ASB3: variants seen among roughly 807,000 people sequenced by gnomAD.
ASB3 encodes ankyrin repeat and SOCS box containing 3.
In ASB3, 41 loss-of-function variants were observed where a neutral mutation model predicts 54.5. The ratio of observed to expected loss-of-function variants is 0.75; its 90% CI spans 0.59 to 0.98. The LOEUF (loss-of-function observed/expected upper bound fraction) is 0.98. Ranked by LOEUF, ASB3 falls within the 50% of genes least tolerant of loss-of-function variation. ASB3 has a pLI of 0.00. For missense variants in ASB3, 733 were observed against 620.0 expected, an observed-to-expected ratio of 1.18 and a Z score of -1.94; for synonymous variants, 266 against 221.2, an observed-to-expected ratio of 1.20 and a Z score of -1.80.
chr2:53,750,765 C>A lies in ASB3; in HGVS notation c.355+18G>T. 6.7e-7 allele frequency: 1 copy of A among 1,493,482 alleles called. No individual in the cohort carries two copies. The highest frequency in any genetic ancestry group is 8.9e-7 in the Non-Finnish European group (1 of 1,120,390). The allele number at this position is 1,493,482 out of a possible 1,614,324, so 92.5% of individuals were successfully genotyped here. A position where few individuals can be genotyped will look rare whatever the true frequency, so the allele number is the denominator to read the frequency against. On this transcript the variant is annotated intron_variant, in intron 3 of 9. Transcript: ENST00000263634. ...TAATGATGAAAAATTGCATCTGCAC[C>A]ACAAATAGCATACTTACCTAAAAAC...
chr2:53,716,652 G>C lies in ASB3; in HGVS notation c.696C>G (p.Leu232=). Residue 232 remains leucine (L), a synonymous_variant, in exon 6 of 10, where the codon CTC becomes CTG. Coordinates refer to ENST00000263634, the MANE Select transcript of ASB3 (RefSeq NM_016115.5). The stretch of plus-strand genomic sequence containing the variant: ...AAAGATCAGGATCTGCCCCACTGGA[G>C]AGCAAAAGCTCCACACATTTTGTGT... The part of the protein sequence containing the change: ...EGHTKCVELL[L]SSGADPDLYC... 6.2e-7 allele frequency: 1 copy of C among 1,614,140 alleles called. No homozygotes were observed. Among genetic ancestry groups the C allele is most frequent in the East Asian group, 2.2e-5 (1 of 44,880 alleles).
In ASB3 at chr2:53,758,755, C is replaced by T. The variant is rs187988841; in HGVS notation, c.196+6622G>A. Among the ~76,000 whole-genome samples, 401 of 152,260 alleles carry T rather than the reference C, an allele frequency of 2.6e-3. 2 individuals are homozygous for T. Among genetic ancestry groups the T allele is most frequent in the African/African-American group, 9.2e-3 (383 of 41,564 alleles). Reference sequence around the variant, plus strand: ...GAATAAGCACTAGGACCACAGAGGACGCTCTAGTCCTCTGGGATAATGCTC... The same window carrying T: ...GAATAAGCACTAGGACCACAGAGGATGCTCTAGTCCTCTGGGATAATGCTC... On this transcript the variant is annotated intron_variant, in intron 2 of 9. Coordinates refer to ENST00000263634, the MANE Select transcript of ASB3 (RefSeq NM_016115.5).
intron 9 of ASB3, among the ~76,000 whole-genome samples, chr2:53,671,039 T>C (rs926914773): frequency 2.0e-5 from 3 of 152,264 alleles, no homozygotes; most frequent in African/African-American, 7.2e-5. Flanking sequence ...ACCTTCCTCT[T>C]AATCTATTTC....
At chr2:53,767,586 T>C (rs1673556184) in intron 1 of ASB3, 2 of 330,378 alleles carry the variant, frequency 6.1e-6, no homozygotes, top group Non-Finnish European at 1.1e-5. Flanking sequence ...GTATTGTAGT[T>C]TTCTGCACAC....
intron 1 of ASB3, among the ~76,000 whole-genome samples, chr2:53,772,714 T>A (rs2104160348): frequency 6.6e-6 from 1 of 152,326 alleles, no homozygotes; most frequent in East Asian, 1.9e-4. Context: ...GTTTTTGTTT[T>A]TAAGTTCAGG....
intron 3 of ASB3, among the ~76,000 whole-genome samples, chr2:53,740,551 G>T (rs982777704): frequency 2.6e-5 from 4 of 152,034 alleles, no homozygotes; most frequent in African/African-American, 9.7e-5. Context: ...TTGATATACA[G>T]AATTTTTTAA....
intron 2 of ASB3, among the ~76,000 whole-genome samples, chr2:53,762,641 T>C (rs1673208754): frequency 6.6e-6 from 1 of 152,218 alleles, no homozygotes; most frequent in Admixed American, 6.5e-5. Flanking sequence ...AAATGACTTA[T>C]TATTGAATGG....
chr2:53,674,369 A>T (rs1667971371), intron 9 of ASB3, among the ~76,000 whole-genome samples: 1 of 152,180 alleles, frequency 6.6e-6, no homozygotes, highest in Admixed American at 6.5e-5. Flanking sequence ...TTAACTTTTA[A>T]TTCCTATACA....
In ASB3 at chr2:53,693,948, T is replaced by G. The variant is rs766745442; in HGVS notation, c.1305A>C (p.Ala435=). 6.2e-7 allele frequency: 1 copy of G among 1,613,640 alleles called. No individual in the cohort carries two copies. The highest frequency in any genetic ancestry group is 8.5e-7 in the Non-Finnish European group (1 of 1,179,628). The change falls in exon 9 of 10, where the codon GCA becomes GCC. Residue 435 remains alanine, a synonymous_variant. Coordinates refer to ENST00000263634, the MANE Select transcript of ASB3 (RefSeq NM_016115.5). The part of the protein sequence containing the change: ...TLEFTNWKTL[A]PAVERMLSAR... ...CAGAGAGCATCCTTTCAACAGCTGG[T>G]GCAAGTGTCTTCCAATTAGTAAACT...
At chr2:53,689,335 G>A (rs758888751) in intron 9 of ASB3, among the ~76,000 whole-genome samples, 79 of 152,096 alleles carry the variant, frequency 5.2e-4, no homozygotes, top group Non-Finnish European at 1.5e-4. Flanking sequence ...ATAAAATAAG[G>A]TTGTGTTCCA....
At chr2:53,695,310 C>T (rs1669126044) in intron 8 of ASB3, among the ~76,000 whole-genome samples, 1 of 152,066 alleles carries the variant, frequency 6.6e-6, no homozygotes, top group Non-Finnish European at 1.5e-5. Flanking sequence ...TAAGGAAGAA[C>T]TTAAAGGGCA....
At chr2:53,771,985 A>C (rs1558574338) in intron 1 of ASB3, 1 of 1,096,176 alleles carries the variant, frequency 9.1e-7, no homozygotes, top group South Asian at 1.6e-5. Flanking sequence ...TAATTTTATA[A>C]AATGTTGCGA....
At chr2:53,715,546 T>C (rs1017465491) in intron 6 of ASB3, among the ~76,000 whole-genome samples, 7 of 152,296 alleles carry the variant, frequency 4.6e-5, no homozygotes, top group Admixed American at 4.6e-4. Context: ...TTTGGTACCA[T>C]TTAAAGTTCA....
At chr2:53,696,479 G>C (rs1669188221) in intron 8 of ASB3, among the ~76,000 whole-genome samples, 1 of 152,150 alleles carries the variant, frequency 6.6e-6, no homozygotes, top group South Asian at 2.1e-4. Flanking sequence ...CTGCCTCCAA[G>C]TAGTCCATTT....
chr2:53,745,130 T>G (rs1280568173), intron 3 of ASB3, among the ~76,000 whole-genome samples: 1 of 152,188 alleles, frequency 6.6e-6, no homozygotes. Flanking sequence ...ATTTTTCACT[T>G]AGAATTTATT....
chr2:53,709,613 T>C (rs1669978879), intron 7 of ASB3, among the ~76,000 whole-genome samples: 1 of 152,226 alleles, frequency 6.6e-6, no homozygotes. Context: ...CCTTGATCAT[T>C]ACTGAATATG....
At position 53,679,416 on chromosome 2, in the gene ASB3, C is replaced by T. The variant is rs200037383; in HGVS notation, c.1370-8726G>A. ...TCACAGTAAAAACTGGTCTTATGGG[C>T]TTTTTTTTTCTGAGCTTCCAATCCC... On this transcript the variant is annotated intron_variant, in intron 9 of 9. Transcript: ENST00000263634. 5.1e-3 allele frequency among the ~76,000 whole-genome samples: 771 copies of T among 151,384 alleles called. 9 individuals carry two copies. Among genetic ancestry groups the T allele is most frequent in the African/African-American group, 0.018 (734 of 41,300 alleles).
intron 9 of ASB3, among the ~76,000 whole-genome samples, chr2:53,690,072 C>G (rs1558518214): frequency 6.6e-6 from 1 of 151,348 alleles, no homozygotes; most frequent in African/African-American, 2.4e-5. Context: ...CCTGTCTCAA[C>G]AAAAAATACA....
At chr2:53,730,201 T>A (rs1283709369) in intron 3 of ASB3, among the ~76,000 whole-genome samples, 4 of 152,168 alleles carry the variant, frequency 2.6e-5, no homozygotes, top group African/African-American at 7.2e-5. Context: ...TATGGAGGAA[T>A]TTAAGCACGA....
Sources: allele counts gnomAD v4.1 joint callset (sites outside exome capture counted in the v4.1 genomes callset), GRCh38; gene constraint gnomAD v4.1.1; transcripts MANE v1.5; gene names NCBI Gene and HGNC (gene_info 2026-07-23, HGNC 2026-07-21).